Variants in CEP76 observed in about 807,000 individuals in gnomAD.
CEP76 encodes centrosomal protein of 76 kDa.
Under a neutral mutation model 83.3 loss-of-function variants are expected in CEP76, and 55 were observed. The ratio of observed to expected loss-of-function variants is 0.66; its 90% CI spans 0.53 to 0.83. CEP76 has a LOEUF of 0.83. CEP76 is among the 40% of genes least tolerant of loss of function. CEP76 has a pLI of 0.00. For synonymous variants in CEP76, 270 were observed against 274.5 expected (o/e 0.98, Z 0.16); for missense variants, 694 against 799.5 (o/e 0.87, Z 1.59).
At chr18:12,664,668 A>G (rs1277261045) in intron 12 of CEP76, among the ~76,000 whole-genome samples, 1 of 150,868 alleles carries the variant, frequency 6.6e-6, no homozygotes, top group Non-Finnish European at 1.5e-5. Context: ...TACAGGTTTG[A>G]ACCACTGTGC....
intron 9 of CEP76, among the ~76,000 whole-genome samples, chr18:12,678,754 G>T (rs908684176): frequency 1.1e-4 from 16 of 152,010 alleles, no homozygotes; most frequent in African/African-American, 3.9e-4. Context: ...TCAAGAGTTC[G>T]AGACTAACCT....
intron 11 of CEP76, 21 bp downstream of exon 11, chr18:12,674,515 A>T (rs367786867): frequency 6.3e-7 from 1 of 1,583,306 alleles, no homozygotes; most frequent in Non-Finnish European, 8.7e-7. Flanking sequence ...TGAAAAAATG[A>T]TTCCGTAAAT....
intron 7 of CEP76, among the ~76,000 whole-genome samples, chr18:12,690,102 C>A (rs9945801): frequency 6.6e-6 from 1 of 151,944 alleles, no homozygotes; most frequent in African/African-American, 2.4e-5. Context: ...AAGCCAGTTA[C>A]ATTTTGATTG....
intron 1 of CEP76, 25 bp downstream of exon 1, chr18:12,702,461 C>T (rs1225748081): frequency 1.3e-6 from 2 of 1,573,310 alleles, no homozygotes; most frequent in East Asian, 4.6e-5. Context: ...GCCCGGCGGT[C>T]TCTCCCAGCA....
chr18:12,675,240 C>T (rs1037198763), intron 10 of CEP76, among the ~76,000 whole-genome samples: 9 of 151,898 alleles, frequency 5.9e-5, no homozygotes, highest in Non-Finnish European at 8.8e-5. Context: ...ACTAAAAATA[C>T]AAAAAATGAG....
Position 12,699,892 on chromosome 18 carries a change from T to C in CEP76, c.233A>G (p.Gln78Arg). 6.3e-7 allele frequency: 1 copy of C among 1,596,034 alleles called. No individual in the cohort carries two copies. The highest frequency in any genetic ancestry group is 1.7e-5 in the Admixed American group (1 of 57,784). The part of the protein sequence containing the change: ...ELNFVTDSVE[Q>R]ELPSSPKQPI... ...TTGTTTTGGAGAGGAAGGGAGTTCT[T>C]GCTCAACACTGTCCTAGAAAGGCAG... is the stretch of plus-strand genomic sequence containing the variant. The change falls in exon 3 of 12, where the codon CAA (glutamine) becomes CGA (arginine). Residue 78 changes from glutamine to arginine, a missense_variant. Gln to Arg is a conservative substitution (Grantham distance 43). Transcript: ENST00000262127.
chr18:12,699,744 G>C (rs2040086621), intron 3 of CEP76, 86 bp downstream of exon 3: 1 of 739,168 alleles, frequency 1.4e-6, no homozygotes. Flanking sequence ...GGAAAAAATG[G>C]AAATGTCTTC....
chr18:12,699,853 T>C lies in CEP76; in HGVS notation c.272A>G (p.Asp91Gly). The change falls in exon 3 of 12, where the codon GAT (aspartate) becomes GGT (glycine). Residue 91 changes from aspartate (D) to glycine (G), a missense_variant. Coordinates refer to ENST00000262127, the MANE Select transcript of CEP76 (RefSeq NM_024899.4). ...PSSPKQPICF[D>G]RQSTLKKTNI... Reference sequence around the variant, plus strand: ...ACTTTTTTTTAATGTCGATTGTCTATCAAAACAAATAGGTTGTTTTGGAGA... The same window carrying C: ...ACTTTTTTTTAATGTCGATTGTCTACCAAAACAAATAGGTTGTTTTGGAGA... 1 of 1,587,576 alleles carries C rather than the reference T, an allele frequency of 6.3e-7. No individual in the cohort carries two copies. The highest frequency in any genetic ancestry group is 1.2e-5 in the South Asian group (1 of 86,564).
chr18:12,666,771 T>C (rs2038813774), intron 12 of CEP76, among the ~76,000 whole-genome samples: 1 of 152,102 alleles, frequency 6.6e-6, no homozygotes, highest in Non-Finnish European at 1.5e-5. Flanking sequence ...ACTTTTGAAT[T>C]GATTTATTCT....
At chr18:12,671,283 C>T (rs1381547456), downstream of CEP76, 3 of 151,734 alleles carry the variant, frequency 2.0e-5, no homozygotes, top group Non-Finnish European at 2.9e-5. Flanking sequence ...TTTTAATTTT[C>T]GAAAAACGAA....
intron 12 of CEP76, among the ~76,000 whole-genome samples, chr18:12,662,320 G>T (rs112699302): frequency 4.6e-5 from 7 of 152,236 alleles, no homozygotes; most frequent in African/African-American, 1.7e-4. Context: ...CAACTTGAAG[G>T]GTCAGATATT....
chr18:12,675,066 G>A (rs1321901126), intron 10 of CEP76, among the ~76,000 whole-genome samples: 1 of 132,052 alleles, frequency 7.6e-6, no homozygotes, highest in Non-Finnish European at 1.7e-5. Context: ...ATGGAGGACA[G>A]GTATAATTCT....
At chr18:12,690,084 C>T (rs1475519810) in intron 7 of CEP76, among the ~76,000 whole-genome samples, 10 of 140,704 alleles carry the variant, frequency 7.1e-5, no homozygotes, top group African/African-American at 2.5e-4. Flanking sequence ...CCACCGCGCC[C>T]GGCCAGGAAG....
chr18:12,687,031 T>C (rs1035183417), intron 7 of CEP76, among the ~76,000 whole-genome samples: 4 of 152,318 alleles, frequency 2.6e-5, no homozygotes, highest in Admixed American at 2.0e-4. Context: ...TCTCCTGGTG[T>C]TGGTGCTGAA....
intron 4 of CEP76, among the ~76,000 whole-genome samples, chr18:12,698,241 T>C (rs2040028545): frequency 6.6e-6 from 1 of 152,024 alleles, no homozygotes; most frequent in African/African-American, 2.4e-5. Flanking sequence ...CATTTATTTA[T>C]TTATTTAAAC....
intron 5 of CEP76, 104 bp downstream of exon 5, chr18:12,697,119 C>G: frequency 1.2e-6 from 1 of 803,562 alleles, no homozygotes; most frequent in Non-Finnish European, 1.9e-6. Flanking sequence ...TTCTATTTTA[C>G]AGGTTTCCCT....
chr18:12,673,300 T>C lies in CEP76; in HGVS notation c.*65A>G, dbSNP rs906813387. 5.9e-6 allele frequency: 9 copies of C among 1,531,606 alleles called. No individual in the cohort carries two copies. In the Admixed American group the frequency reaches 9.5e-5, roughly 16 times the overall value. The allele number at this position is 1,531,606 out of a possible 1,614,324, so 94.9% of individuals were successfully genotyped here. ...TTAAAATAACAAACCTCTAAATAGC[T>C]AAGTAATGTACAATGTGTAAAATTC... On this transcript the variant is annotated 3_prime_UTR_variant, in exon 12 of 12. Coordinates refer to ENST00000262127, the MANE Select transcript of CEP76 (RefSeq NM_024899.4).
At chr18:12,679,085 G>C (rs549098526) in intron 9 of CEP76, 28 of 152,298 alleles carry the variant, frequency 1.8e-4, no homozygotes, top group African/African-American at 6.5e-4. Flanking sequence ...AATGAAAAGA[G>C]GGCCCAGGGC....
In CEP76 at chr18:12,672,881, T is replaced by C; in HGVS notation, c.*484A>G. ...AAGGACCACGAATAAACCACAAAAG[T>C]GGTAATTCATTAACATTTATTTTCA... On this transcript the variant is annotated 3_prime_UTR_variant, in exon 12 of 12. Coordinates refer to ENST00000262127, the MANE Select transcript of CEP76 (RefSeq NM_024899.4). 1 of 985,458 alleles carries C rather than the reference T, an allele frequency of 1.0e-6. No individual in the cohort carries two copies. The highest frequency in any genetic ancestry group is 1.2e-6 in the Non-Finnish European group (1 of 829,816). The allele number at this position is 985,458 out of a possible 1,614,324, so 61.0% of individuals were successfully genotyped here. A position where few individuals can be genotyped will look rare whatever the true frequency, so the allele number is the denominator to read the frequency against.
Sources: allele counts gnomAD v4.1 joint callset (sites outside exome capture counted in the v4.1 genomes callset), GRCh38; gene constraint gnomAD v4.1.1; transcripts MANE v1.5; gene names NCBI Gene and HGNC (gene_info 2026-07-23, HGNC 2026-07-21).